IMMP2L: variants seen among roughly 807,000 people sequenced by gnomAD.
IMMP2L encodes the protein inner mitochondrial membrane peptidase subunit 2, also known as mitochondrial inner membrane protease subunit 2.
Under a neutral mutation model 19.3 loss-of-function variants are expected in IMMP2L, and 18 were observed. The observed-to-expected ratio is 0.93, with a 90% confidence interval of 0.64 to 1.38. The LOEUF (loss-of-function observed/expected upper bound fraction) is 1.38, where lower values mean the gene tolerates loss of function less well. Ranked by LOEUF, IMMP2L falls within the 40% of genes most tolerant of loss-of-function variation. IMMP2L has a pLI of 0.00. For synonymous variants in IMMP2L, 76 were observed against 73.0 expected (o/e 1.04, Z -0.21); for missense variants, 233 against 218.2 (o/e 1.07, Z -0.43).
chr7:111,367,762 A>C (rs1442204196), intron 3 of IMMP2L, among the ~76,000 whole-genome samples: 1 of 151,908 alleles, frequency 6.6e-6, no homozygotes, highest in African/African-American at 2.4e-5. Flanking sequence ...TAGACCTCAT[A>C]CTTGTAAACA....
At chr7:111,058,703 T>G (rs1793736272) in intron 3 of IMMP2L, among the ~76,000 whole-genome samples, 1 of 152,166 alleles carries the variant, frequency 6.6e-6, no homozygotes, top group Non-Finnish European at 1.5e-5. Flanking sequence ...CCAAGAATAC[T>G]TATACAAATT....
chr7:111,462,931 T>C (rs1212056369), intron 3 of IMMP2L, among the ~76,000 whole-genome samples: 1 of 152,166 alleles, frequency 6.6e-6, no homozygotes, highest in Non-Finnish European at 1.5e-5. Flanking sequence ...TCATGACATA[T>C]GGTATGTTAT....
intron 4 of IMMP2L, among the ~76,000 whole-genome samples, chr7:110,958,015 G>C (rs993567049): frequency 2.0e-5 from 3 of 151,888 alleles, no homozygotes; most frequent in Non-Finnish European, 2.9e-5. Context: ...CGTCTCTCCG[G>C]TATCTAGACC....
At chr7:111,338,134 G>C (rs1007433092) in intron 3 of IMMP2L, among the ~76,000 whole-genome samples, 1 of 152,102 alleles carries the variant, frequency 6.6e-6, no homozygotes, top group Admixed American at 6.6e-5. Context: ...CCTCAACTAT[G>C]GTAGAGAAGA....
intron 3 of IMMP2L, among the ~76,000 whole-genome samples, chr7:111,252,318 A>T (rs776049391): frequency 1.2e-4 from 19 of 152,168 alleles, no homozygotes; most frequent in Non-Finnish European, 2.4e-4. Context: ...ACCCACACAA[A>T]TGTTTAAGTG....
intron 3 of IMMP2L, among the ~76,000 whole-genome samples, chr7:110,983,584 C>A (rs1468951565): frequency 1.3e-5 from 2 of 151,994 alleles, no homozygotes; most frequent in Non-Finnish European, 2.9e-5. Flanking sequence ...TTCCTACATG[C>A]CTACATGATA....
intron 3 of IMMP2L, among the ~76,000 whole-genome samples, chr7:111,141,527 C>G (rs557046199): frequency 6.6e-6 from 1 of 151,908 alleles, no homozygotes; most frequent in African/African-American, 2.4e-5. Context: ...TTCTATCTAC[C>G]TACAATAATT....
chr7:110,730,368 C>G (rs1343162565), intron 5 of IMMP2L, among the ~76,000 whole-genome samples: 6 of 152,104 alleles, frequency 3.9e-5, no homozygotes, highest in African/African-American at 1.2e-4. Flanking sequence ...GTTTCCTGCC[C>G]TCGAACATCA....
chr7:111,184,898 T>C (rs1808100320), intron 3 of IMMP2L, among the ~76,000 whole-genome samples: 2 of 152,148 alleles, frequency 1.3e-5, no homozygotes, highest in Admixed American at 6.5e-5. Context: ...GTATGAATTT[T>C]ATGTAATAAG....
chr7:111,432,244 C>T (rs1472896610), intron 3 of IMMP2L, among the ~76,000 whole-genome samples: 2 of 151,376 alleles, frequency 1.3e-5, no homozygotes, highest in Non-Finnish European at 2.9e-5. Flanking sequence ...AAACCCCACA[C>T]ATATGGTCAC....
chr7:111,504,669 A>C (rs904771023), intron 2 of IMMP2L, among the ~76,000 whole-genome samples: 2 of 152,208 alleles, frequency 1.3e-5, no homozygotes, highest in African/African-American at 4.8e-5. Flanking sequence ...ATAATGCCGC[A>C]TATCTACAAC....
intron 3 of IMMP2L, among the ~76,000 whole-genome samples, chr7:111,026,259 T>C (rs1385136683): frequency 6.6e-6 from 1 of 152,146 alleles, no homozygotes; most frequent in Non-Finnish European, 1.5e-5. Flanking sequence ...CTGAAGCAAA[T>C]AATTTCAATT....
At chr7:111,341,537 A>T (rs1827010062) in intron 3 of IMMP2L, among the ~76,000 whole-genome samples, 2 of 152,178 alleles carry the variant, frequency 1.3e-5, no homozygotes, top group African/African-American at 4.8e-5. Flanking sequence ...AACTGGCTTG[A>T]AATAACTATT....
intron 3 of IMMP2L, among the ~76,000 whole-genome samples, chr7:111,135,170 T>C (rs535942614): frequency 2.0e-5 from 3 of 152,190 alleles, no homozygotes; most frequent in African/African-American, 4.8e-5. Context: ...CCAGAAGATA[T>C]AAAACACCAT....
chr7:110,943,568 G>A (rs915891449), intron 4 of IMMP2L, among the ~76,000 whole-genome samples: 2 of 151,828 alleles, frequency 1.3e-5, no homozygotes, highest in South Asian at 2.1e-4. Context: ...CCATGCTTTT[G>A]TTCTCCATCT....
chr7:110,778,407 A>G (rs1195102723), intron 5 of IMMP2L, among the ~76,000 whole-genome samples: 1 of 152,000 alleles, frequency 6.6e-6, no homozygotes, highest in Non-Finnish European at 1.5e-5. Flanking sequence ...TGGGATATAA[A>G]GATGCTGATA....
intron 3 of IMMP2L, among the ~76,000 whole-genome samples, chr7:111,199,834 C>T (rs761306577): frequency 3.3e-5 from 5 of 152,220 alleles, no homozygotes; most frequent in Non-Finnish European, 5.9e-5. Context: ...TGCTGCTAGA[C>T]ATAAAGCATC....
chr7:110,730,816 C>T lies in IMMP2L; in HGVS notation c.409-67095G>A, dbSNP rs532912206. Among the ~76,000 whole-genome samples the T allele has an allele frequency of 9.2e-5, 14 of 152,258 alleles. No individual in the cohort carries two copies. The East Asian group carries it at 9.7e-4, about 11-fold the overall frequency. On this transcript the variant is annotated intron_variant, in intron 5 of 5. Coordinates refer to ENST00000405709, the MANE Select transcript of IMMP2L (RefSeq NM_032549.4). The stretch of plus-strand genomic sequence containing the variant: ...CTGGGATTACAGGCGTGAGCCGCCG[C>T]GCCCGGCCGGGACTGGCTTTCTTAC...
chr7:111,018,464 T>C (rs546918265), intron 3 of IMMP2L, among the ~76,000 whole-genome samples: 1 of 152,330 alleles, frequency 6.6e-6, no homozygotes, highest in South Asian at 2.1e-4. Flanking sequence ...AACATTTTCC[T>C]TGTTCAAACT....
Sources: allele counts gnomAD v4.1 joint callset (sites outside exome capture counted in the v4.1 genomes callset), GRCh38; gene constraint gnomAD v4.1.1; transcripts MANE v1.5; gene names NCBI Gene and HGNC (gene_info 2026-07-23, HGNC 2026-07-21).